Variants in XKR6 observed in about 807,000 individuals in gnomAD.
XKR6 encodes XK related 6.
In XKR6, 22 loss-of-function variants were observed where a neutral mutation model predicts 56.7. The observed-to-expected ratio is 0.39, with a 90% CI of 0.28 to 0.55. The LOEUF (loss-of-function observed/expected upper bound fraction) is 0.55, where lower values mean the gene tolerates loss of function less well. XKR6 is among the 20% of genes least tolerant of loss of function. The pLI is 0.66. For synonymous variants in XKR6, 524 were observed against 387.8 expected, an observed-to-expected ratio of 1.35 and a Z score of -4.13; for missense variants, 852 against 889.0, an observed-to-expected ratio of 0.96 and a Z score of 0.53.
intron 1 of XKR6, among the ~76,000 whole-genome samples, chr8:11,173,426 T>C (rs7000132): frequency 0.34 from 51,252 of 150,624 alleles, 10,140 homozygotes; most frequent in Non-Finnish European, 0.46. Context: ...CATATATATA[T>C]ATAACAGCTC....
intron 2 of XKR6, among the ~76,000 whole-genome samples, chr8:10,903,556 A>G (rs913266329): frequency 2.0e-5 from 3 of 152,158 alleles, no homozygotes; most frequent in African/African-American, 7.2e-5. Flanking sequence ...GGACCTCAGA[A>G]TGTGGCTGTG....
At chr8:11,069,306 G>T (rs1017989600) in intron 1 of XKR6, among the ~76,000 whole-genome samples, 1 of 151,898 alleles carries the variant, frequency 6.6e-6, no homozygotes, top group Non-Finnish European at 1.5e-5. Context: ...AAGCCCTGGG[G>T]TTCTTTCTCA....
intron 1 of XKR6, among the ~76,000 whole-genome samples, chr8:11,074,382 C>A (rs951194394): frequency 1.3e-5 from 2 of 152,208 alleles, no homozygotes; most frequent in African/African-American, 4.8e-5. Flanking sequence ...TGACGATGCA[C>A]CAGCAAGATC....
chr8:11,185,722 A>C (rs572340140), intron 1 of XKR6, among the ~76,000 whole-genome samples: 1 of 152,324 alleles, frequency 6.6e-6, no homozygotes, highest in East Asian at 1.9e-4. Context: ...TTAAGACCTG[A>C]AACACTGATG....
intron 1 of XKR6, among the ~76,000 whole-genome samples, chr8:11,161,133 G>C (rs1382297666): frequency 6.6e-6 from 1 of 152,124 alleles, no homozygotes; most frequent in Non-Finnish European, 1.5e-5. Context: ...AACAGGAACT[G>C]ATCTAGGCAG....
At chr8:11,022,566 A>G (rs1479591592) in intron 1 of XKR6, among the ~76,000 whole-genome samples, 3 of 152,184 alleles carry the variant, frequency 2.0e-5, no homozygotes, top group Non-Finnish European at 4.4e-5. Context: ...TCAGCAGCCA[A>G]TGGGTGAAGC....
chr8:11,171,977 CG>C (rs1194953761), intron 1 of XKR6, among the ~76,000 whole-genome samples: 1 of 151,646 alleles, frequency 6.6e-6, no homozygotes, highest in Non-Finnish European at 1.5e-5. Context: ...CGCTTGAACC[CG>C]GGAGGCACAG....
At chr8:11,052,116 C>T (rs1200289692) in intron 1 of XKR6, among the ~76,000 whole-genome samples, 1 of 152,146 alleles carries the variant, frequency 6.6e-6, no homozygotes, top group African/African-American at 2.4e-5. Context: ...CCCCTCTGCT[C>T]CAACCAAACT....
At chr8:11,131,409 A>ATT (rs552810114) in intron 1 of XKR6, among the ~76,000 whole-genome samples, 324 of 152,142 alleles carry the variant, frequency 2.1e-3, no homozygotes, top group African/African-American at 7.5e-3. Flanking sequence ...TGATGAAATC[A>ATT]TTTTTTTTGA....
intron 1 of XKR6, among the ~76,000 whole-genome samples, chr8:11,121,747 G>A (rs1460299148): frequency 6.6e-6 from 1 of 152,180 alleles, no homozygotes; most frequent in Non-Finnish European, 1.5e-5. Flanking sequence ...TATGTTTATT[G>A]CGGCACTATT....
intron 1 of XKR6, among the ~76,000 whole-genome samples, chr8:11,100,988 T>C (rs1245183757): frequency 6.6e-6 from 1 of 152,172 alleles, no homozygotes; most frequent in Non-Finnish European, 1.5e-5. Context: ...TGGAGAGACC[T>C]CCATCTCCCT....
chr8:11,160,192 G>A (rs1057104632), intron 1 of XKR6, among the ~76,000 whole-genome samples: 5 of 149,366 alleles, frequency 3.3e-5, no homozygotes, highest in African/African-American at 5.0e-5. Context: ...GAAAATGTAC[G>A]TCAGAAACAA....
chr8:11,101,000 A>G (rs1798453615), intron 1 of XKR6, among the ~76,000 whole-genome samples: 1 of 152,156 alleles, frequency 6.6e-6, no homozygotes, highest in African/African-American at 2.4e-5. Context: ...CATCTCCCTT[A>G]CCCACCCTGC....
At chr8:11,037,140 C>A (rs1375928561) in intron 1 of XKR6, among the ~76,000 whole-genome samples, 1 of 152,202 alleles carries the variant, frequency 6.6e-6, no homozygotes, top group East Asian at 1.9e-4. Flanking sequence ...TCTGTTTCAC[C>A]CAACAATTAT....
intron 1 of XKR6, chr8:11,114,088 T>A (rs1302106675): frequency 2.3e-6 from 1 of 444,102 alleles, no homozygotes; most frequent in African/African-American, 2.0e-5. Flanking sequence ...GTCTTTCGCT[T>A]AGAGCTAAAA....
intron 1 of XKR6, among the ~76,000 whole-genome samples, chr8:11,131,003 T>C (rs1353807460): frequency 1.3e-5 from 2 of 152,090 alleles, no homozygotes; most frequent in Non-Finnish European, 2.9e-5. Context: ...ATAAGCACAT[T>C]TCATAAATCG....
intron 1 of XKR6, among the ~76,000 whole-genome samples, chr8:10,979,157 G>C (rs527372828): frequency 2.0e-5 from 3 of 151,770 alleles, no homozygotes; most frequent in African/African-American, 7.3e-5. Flanking sequence ...GAGGTTCTGG[G>C]GATCTCACGG....
At chr8:11,061,591 A>G (rs1361792545) in intron 1 of XKR6, among the ~76,000 whole-genome samples, 1 of 152,204 alleles carries the variant, frequency 6.6e-6, no homozygotes, top group African/African-American at 2.4e-5. Context: ...CCTCATGCAC[A>G]TCCGTTCATT....
intron 1 of XKR6, among the ~76,000 whole-genome samples, chr8:11,196,186 G>A (rs1442024686): frequency 6.6e-6 from 1 of 152,002 alleles, no homozygotes; most frequent in Non-Finnish European, 1.5e-5. Flanking sequence ...GCATTAGAGG[G>A]ACATTACAGA....
Sources: allele counts gnomAD v4.1 joint callset (sites outside exome capture counted in the v4.1 genomes callset), GRCh38; gene constraint gnomAD v4.1.1; transcripts MANE v1.5; gene names NCBI Gene and HGNC (gene_info 2026-07-23, HGNC 2026-07-21).